The following IHO1 variants were observed in gnomAD, a reference collection of about 807,000 sequenced individuals.
IHO1 encodes the protein interactor of HORMAD1 1, also known as interactor of HORMAD1 protein 1.
IHO1 carries 13 observed loss-of-function variants against 31.0 expected under a neutral mutation model. The observed-to-expected ratio is 0.42, with a 90% CI of 0.27 to 0.67. The LOEUF (loss-of-function observed/expected upper bound fraction) is 0.67, where lower values mean the gene tolerates loss of function less well. Among genes scored for constraint, IHO1 ranks in the 30% least tolerant of loss-of-function variants. IHO1 has a pLI of 0.24. For missense variants in IHO1, 599 were observed against 687.5 expected (o/e 0.87, Z 1.44); for synonymous variants, 221 against 248.4 (o/e 0.89, Z 1.04).
rs1355400749 is a variant in IHO1 at position 49,244,394 on chromosome 3, CCTAT to C, written c.396-9_396-6del. 6.7e-7 allele frequency: 1 copy of C among 1,498,382 alleles called. No homozygotes were observed. Among genetic ancestry groups the C allele is most frequent in the Admixed American group, 1.8e-5 (1 of 56,872 alleles). The allele number at this position is 1,498,382 out of a possible 1,614,324, so 92.8% of individuals were successfully genotyped here. On this transcript the variant is annotated splice_polypyrimidine_tract_variant and splice_region_variant and intron_variant, in intron 4 of 7. Coordinates refer to ENST00000452691, the MANE Select transcript of IHO1 (RefSeq NM_001135197.2). ...TAAAGATTTGTTTTCTTTTTTCCCTCCTATTCTAGTGAGACTCTATACAACTTTG... is the reference window on the plus strand; with the variant it reads ...TAAAGATTTGTTTTCTTTTTTCCCTCTCTAGTGAGACTCTATACAACTTTG...
upstream of IHO1, among the ~76,000 whole-genome samples, chr3:49,196,419 C>T (rs191779755): frequency 2.4e-4 from 35 of 143,586 alleles, no homozygotes; most frequent in East Asian, 5.9e-3. Flanking sequence ...CCCGGGTTCA[C>T]GCCATTCTCC....
At chr3:49,228,518 G>A (rs944295633) in intron 2 of IHO1, among the ~76,000 whole-genome samples, 1 of 152,172 alleles carries the variant, frequency 6.6e-6, no homozygotes, top group African/African-American at 2.4e-5. Flanking sequence ...CTTGGTGAAG[G>A]CCCCACATTG....
chr3:49,226,421 G>A (rs1214812031), intron 2 of IHO1, among the ~76,000 whole-genome samples: 2 of 152,186 alleles, frequency 1.3e-5, no homozygotes, highest in African/African-American at 2.4e-5. Flanking sequence ...GTAACCGCGC[G>A]AGGAAGGCAG....
chr3:49,204,558 G>T (rs1338923168), intron 1 of IHO1, among the ~76,000 whole-genome samples: 2 of 152,092 alleles, frequency 1.3e-5, no homozygotes, highest in African/African-American at 4.8e-5. Context: ...ATCTGAAAGG[G>T]GCTTTTTCTG....
upstream of IHO1, among the ~76,000 whole-genome samples, chr3:49,193,525 C>G (rs1188380834): frequency 2.7e-5 from 4 of 150,862 alleles, no homozygotes. Context: ...GGTGAAACCC[C>G]ATTTCTACTA....
intron 1 of IHO1, among the ~76,000 whole-genome samples, chr3:49,207,307 G>A (rs1424050532): frequency 6.7e-6 from 1 of 150,078 alleles, no homozygotes; most frequent in African/African-American, 2.5e-5. Flanking sequence ...GTGCAGTGGT[G>A]TGATCTCGGC....
chr3:49,213,280 T>A (rs1218999199), intron 2 of IHO1, among the ~76,000 whole-genome samples: 1 of 152,108 alleles, frequency 6.6e-6, no homozygotes, highest in Non-Finnish European at 1.5e-5. Context: ...GAGTGCTGAT[T>A]GTTGTATTTA....
At chr3:49,217,177 A>G (rs930825012) in intron 2 of IHO1, among the ~76,000 whole-genome samples, 1 of 152,204 alleles carries the variant, frequency 6.6e-6, no homozygotes, top group Non-Finnish European at 1.5e-5. Flanking sequence ...ACTGATAAAG[A>G]CACATGCACA....
chr3:49,241,038 T>C (rs375031074), intron 3 of IHO1, among the ~76,000 whole-genome samples, 188 bp from the exon 4 acceptor site: 15 of 152,328 alleles, frequency 9.8e-5, no homozygotes, highest in East Asian at 9.6e-4. Flanking sequence ...TCTATATTAA[T>C]AAAAACAGTT....
chr3:49,223,353 G>A (rs2046377579), intron 2 of IHO1, among the ~76,000 whole-genome samples: 1 of 152,126 alleles, frequency 6.6e-6, no homozygotes, highest in Non-Finnish European at 1.5e-5. Flanking sequence ...AGGTGATATT[G>A]TATCCCTAGT....
At chr3:49,196,293 T>C (rs1575558623), upstream of IHO1, among the ~76,000 whole-genome samples, 2 of 148,922 alleles carry the variant, frequency 1.3e-5, no homozygotes, top group Admixed American at 6.7e-5. Flanking sequence ...GAGGACCGAA[T>C]GGAGCTTCAA....
chr3:49,253,058 G>T (rs959164081), intron 6 of IHO1, among the ~76,000 whole-genome samples: 7 of 150,942 alleles, frequency 4.6e-5, no homozygotes, highest in African/African-American at 1.7e-4. Flanking sequence ...AAAAAATCAT[G>T]TAGGTAGACA....
In IHO1 at chr3:49,256,135, G is replaced by C. The variant is rs2046818423; in HGVS notation, c.638G>C (p.Arg213Thr). The C allele has an allele frequency of 6.2e-7, 1 of 1,602,150 alleles. No individual in the cohort carries two copies. Among genetic ancestry groups the C allele is most frequent in the Non-Finnish European group, 8.5e-7 (1 of 1,174,114 alleles). ...ILEMKKRFEA[R>T]QGEFIEMKSN... ...CTTTCTCACTGCCTCTCTCCCCAGAGACAAGGAGAGTTTATAGAAATGAAG... is the reference window on the plus strand; with the variant it reads ...CTTTCTCACTGCCTCTCTCCCCAGACACAAGGAGAGTTTATAGAAATGAAG... Residue 213 changes from arginine to threonine, a missense_variant and splice_region_variant, in exon 8 of 8, where the codon AGA becomes ACA. Arg to Thr is a moderately conservative substitution (Grantham distance 71). Coordinates refer to ENST00000452691, the MANE Select transcript of IHO1 (RefSeq NM_001135197.2). The surrounding 1 kb of genome is among the most constrained non-coding windows in gnomAD (Gnocchi z 4.6).
intron 2 of IHO1, among the ~76,000 whole-genome samples, chr3:49,223,988 G>T (rs544733608): frequency 1.3e-5 from 2 of 152,254 alleles, no homozygotes; most frequent in Admixed American, 6.5e-5. Flanking sequence ...CACCTCACAG[G>T]CTTTGACTAC....
chr3:49,200,075 A>C (rs924827977), intron 1 of IHO1, among the ~76,000 whole-genome samples: 3 of 152,182 alleles, frequency 2.0e-5, no homozygotes, highest in African/African-American at 7.2e-5. Flanking sequence ...GCCGGTGGCC[A>C]CAGGGGGCCT....
At chr3:49,220,633 C>G (rs2107698526) in intron 2 of IHO1, among the ~76,000 whole-genome samples, 1 of 152,278 alleles carries the variant, frequency 6.6e-6, no homozygotes, top group East Asian at 1.9e-4. Flanking sequence ...CTTTGGGAGG[C>G]TGAGGTGGGC....
At chr3:49,235,854 C>T (rs1181410258) in intron 2 of IHO1, among the ~76,000 whole-genome samples, 3 of 146,314 alleles carry the variant, frequency 2.1e-5, no homozygotes, top group Non-Finnish European at 3.0e-5. Context: ...GGCTTGAACC[C>T]GGGAGGTGGA....
At chr3:49,240,462 G>T (rs62259890) in intron 3 of IHO1, among the ~76,000 whole-genome samples, 1 of 152,124 alleles carries the variant, frequency 6.6e-6, no homozygotes, top group Non-Finnish European at 1.5e-5. Context: ...GACCTCAGGT[G>T]ATCCGCCCGC....
rs147800917 is a variant in IHO1 at position 49,238,987 on chromosome 3, C to A, written c.232-2239C>A. Among the ~76,000 whole-genome samples, 18 of 152,210 alleles carry A rather than the reference C, an allele frequency of 1.2e-4. No individual in the cohort carries two copies. The East Asian group carries it at 2.5e-3, about 21-fold the overall frequency. On this transcript the variant is annotated intron_variant, in intron 3 of 7. Transcript: ENST00000452691. ...TTGCTAGGTCTTGGAGTGAGTCAGC[C>A]CAGCAAGAGAAAACTTGTTTTTCTC...
Sources: gnomAD v4.1 joint callset for allele counts (sites outside exome capture counted in the v4.1 genomes callset) on GRCh38, gnomAD v4.1.1 for gene constraint, Gnocchi (gnomAD v3.1) non-coding constraint, MANE v1.5 for transcripts, NCBI Gene and HGNC (gene_info 2026-07-23, HGNC 2026-07-21) for gene names.